Variants in SPECC1 observed in about 807,000 individuals in gnomAD.
The protein encoded by SPECC1 is sperm antigen with calponin homology and coiled-coil domains 1, also known as cytospin-B.
Under a neutral mutation model 104.1 loss-of-function variants are expected in SPECC1, and 62 were observed. That is an observed-to-expected ratio of 0.60 (90% CI 0.49 to 0.74). The LOEUF (loss-of-function observed/expected upper bound fraction) is 0.74, where lower values mean the gene tolerates loss of function less well. Among genes scored for constraint, SPECC1 ranks in the 30% least tolerant of loss-of-function variants. The probability of loss-of-function intolerance (pLI) is 0.00; values close to 1 mark genes in which losing one functional copy is unlikely to be tolerated. For missense variants in SPECC1, 1,306 were observed against 1,310.5 expected, an observed-to-expected ratio of 1.00 and a Z score of 0.05; for synonymous variants, 513 against 501.6, an observed-to-expected ratio of 1.02 and a Z score of -0.30.
intron 3 of SPECC1, among the ~76,000 whole-genome samples, chr17:20,174,856 C>T (rs1181235235): frequency 6.6e-6 from 1 of 152,084 alleles, no homozygotes; most frequent in African/African-American, 2.4e-5. Context: ...CTCACCAGGG[C>T]CTGCTTCCTG....
chr17:20,150,557 T>G (rs938512494), intron 3 of SPECC1, among the ~76,000 whole-genome samples: 13 of 151,524 alleles, frequency 8.6e-5, no homozygotes, highest in Admixed American at 7.2e-4. Context: ...GAGAATCGCT[T>G]GAACTCGGGA....
In SPECC1 at chr17:20,232,181, T is replaced by TG; in HGVS notation, c.2146-16dup. 6.2e-7 allele frequency: 1 copy of TG among 1,613,466 alleles called. No individual in the cohort carries two copies. Among genetic ancestry groups the TG allele is most frequent in the Non-Finnish European group, 8.5e-7 (1 of 1,179,980 alleles). On this transcript the variant is annotated intron_variant, in intron 6 of 14. Coordinates refer to ENST00000395527, the MANE Select transcript of SPECC1 (RefSeq NM_001243439.2). ...CCCTGGCAGGCGTCTGACATAAGGA[T>TG]GGGCTCTGACATTTTCAGGAGGAGA...
intron 3 of SPECC1, among the ~76,000 whole-genome samples, chr17:20,135,752 C>T (rs2049881236): frequency 6.6e-6 from 1 of 152,102 alleles, no homozygotes; most frequent in Non-Finnish European, 1.5e-5. Flanking sequence ...GTGCCTGATC[C>T]CAACATACAT....
intron 14 of SPECC1, among the ~76,000 whole-genome samples, chr17:20,310,876 A>G (rs1425062390): frequency 6.6e-6 from 1 of 151,832 alleles, no homozygotes; most frequent in Non-Finnish European, 1.5e-5. Context: ...TATTTACTGT[A>G]TGTATTTACC....
intron 2 of SPECC1, among the ~76,000 whole-genome samples, chr17:20,107,188 A>T (rs561031294): frequency 1.3e-5 from 2 of 150,990 alleles, no homozygotes; most frequent in African/African-American, 4.8e-5. Context: ...AAACAAAAGA[A>T]AATGTGATTA....
At chr17:20,285,074 G>T (rs1000163330) in intron 12 of SPECC1, among the ~76,000 whole-genome samples, 2 of 152,182 alleles carry the variant, frequency 1.3e-5, no homozygotes, top group African/African-American at 4.8e-5. Flanking sequence ...ACACAATTCA[G>T]TGTGTACCCT....
rs879363258 is a variant in SPECC1, at chr17:20,314,143, C to T, written c.*78C>T. 6.5e-6 allele frequency: 8 copies of T among 1,226,294 alleles called. No individual in the cohort carries two copies. The highest frequency in any genetic ancestry group is 9.4e-6 in the Non-Finnish European group (8 of 849,754). 76.0% of individuals were successfully genotyped at this position (1,226,294 alleles called of 1,614,324 possible). On this transcript the variant is annotated 3_prime_UTR_variant, in exon 15 of 15. Coordinates refer to ENST00000395527, the MANE Select transcript of SPECC1 (RefSeq NM_001243439.2). The stretch of plus-strand genomic sequence containing the variant: ...AAGCGCCTGATTACTGTCCACTGAC[C>T]CTGCTCTGCCCACCACCCAGCTGCC...
chr17:20,067,809 C>G (rs2046409839), intron 1 of SPECC1, among the ~76,000 whole-genome samples: 1 of 152,080 alleles, frequency 6.6e-6, no homozygotes, highest in Admixed American at 6.6e-5. Flanking sequence ...TTGGCACTGT[C>G]AAATTCTAGA....
At chr17:20,207,235 A>ATCT (rs1165800135) in intron 4 of SPECC1, among the ~76,000 whole-genome samples, 1 of 152,226 alleles carries the variant, frequency 6.6e-6, no homozygotes, top group African/African-American at 2.4e-5. Flanking sequence ...CGTCTGTCTT[A>ATCT]AGATGAGTCT....
chr17:20,196,175 T>C (rs1382623238), intron 3 of SPECC1, among the ~76,000 whole-genome samples: 4 of 152,262 alleles, frequency 2.6e-5, no homozygotes, highest in African/African-American at 9.6e-5. Context: ...TGCCTTCTTA[T>C]AATCTTTTAC....
rs1598113332 is a variant in SPECC1, at chr17:20,268,872, C to CCACTCT, written c.2940+8581_2940+8586dup. Among the ~76,000 whole-genome samples the CCACTCT allele has an allele frequency of 5.3e-5, 8 of 152,268 alleles. No homozygotes were observed. The East Asian group carries it at 1.5e-3, about 29-fold the overall frequency. On this transcript the variant is annotated intron_variant, in intron 12 of 14. Transcript: ENST00000395527. ...TGCTGTGGGGCACCCGCTCCCACTCCCACTCTCAGTGGTGTGTGCATGCCC... is the reference window on the plus strand; with the variant it reads ...TGCTGTGGGGCACCCGCTCCCACTCCCACTCTCACTCTCAGTGGTGTGTGCATGCCC...
At chr17:20,018,472 C>T (rs1286642546) in intron 1 of SPECC1, among the ~76,000 whole-genome samples, 1 of 152,210 alleles carries the variant, frequency 6.6e-6, no homozygotes, top group African/African-American at 2.4e-5. Flanking sequence ...GTCACTGTAA[C>T]TTTGAACTTT....
intron 3 of SPECC1, among the ~76,000 whole-genome samples, chr17:20,159,823 C>A (rs1202052520): frequency 6.6e-6 from 1 of 152,176 alleles, no homozygotes; most frequent in African/African-American, 2.4e-5. Context: ...AGTTTCCAAC[C>A]AGGTTGTCAT....
intron 3 of SPECC1, among the ~76,000 whole-genome samples, chr17:20,124,260 A>G (rs1192250667): frequency 1.3e-5 from 2 of 151,814 alleles, no homozygotes; most frequent in African/African-American, 4.8e-5. Flanking sequence ...AGACGGGGGG[A>G]AGCAACAGTC....
chr17:20,252,261 T>A (rs181587439), intron 9 of SPECC1, among the ~76,000 whole-genome samples: 1,886 of 151,704 alleles, frequency 0.012, 14 homozygotes, highest in African/African-American at 0.024. Context: ...TCTAGAAAAA[T>A]TTTTTTTTAA....
chr17:20,288,771 C>CTTTTTTTT (rs60578647), intron 12 of SPECC1, among the ~76,000 whole-genome samples: 2 of 73,706 alleles, frequency 2.7e-5, no homozygotes, highest in South Asian at 6.3e-4. Context: ...AAGGGCACTT[C>CTTTTTTTT]TTTTTTTTTT....
chr17:20,203,000 T>G (rs1214642393), intron 3 of SPECC1, among the ~76,000 whole-genome samples: 2 of 152,186 alleles, frequency 1.3e-5, no homozygotes, highest in Non-Finnish European at 2.9e-5. Context: ...CTTTATGTCA[T>G]CAGGATTCAG....
intron 3 of SPECC1, among the ~76,000 whole-genome samples, chr17:20,188,760 TC>T (rs1262011143): frequency 6.6e-6 from 1 of 152,220 alleles, no homozygotes; most frequent in East Asian, 1.9e-4. Context: ...AGTGCTGTTA[TC>T]CTTCCTACAT....
chr17:20,074,930 C>T (rs2046698831), intron 1 of SPECC1, among the ~76,000 whole-genome samples: 1 of 151,966 alleles, frequency 6.6e-6, no homozygotes, highest in Non-Finnish European at 1.5e-5. Flanking sequence ...TAGACAGAGC[C>T]TTGCTGTTGT....
Sources: gnomAD v4.1 joint callset for allele counts (sites outside exome capture counted in the v4.1 genomes callset) on GRCh38, gnomAD v4.1.1 for gene constraint, MANE v1.5 for transcripts, NCBI Gene and HGNC (gene_info 2026-07-23, HGNC 2026-07-21) for gene names.